The following ANXA4 variants were observed in gnomAD, a reference collection of about 807,000 sequenced individuals.
ANXA4 encodes annexin A4.
A neutral mutation model predicts 49.8 loss-of-function variants in ANXA4; 39 were observed. The ratio of observed to expected loss-of-function variants is 0.78; its 90% CI spans 0.61 to 1.02. The LOEUF (loss-of-function observed/expected upper bound fraction) is 1.02. ANXA4 is among the 50% of genes least tolerant of loss of function. The probability of loss-of-function intolerance (pLI) is 0.00; values close to 1 mark genes in which losing one functional copy is unlikely to be tolerated. For missense variants in ANXA4, 360 were observed against 410.1 expected, an observed-to-expected ratio of 0.88 and a Z score of 1.05; for synonymous variants, 134 against 152.5, an observed-to-expected ratio of 0.88 and a Z score of 0.89.
chr2:69,646,006 A>G (rs1364517737), intron 1 of ANXA4, among the ~76,000 whole-genome samples: 4 of 152,194 alleles, frequency 2.6e-5, no homozygotes, highest in East Asian at 1.9e-4. Context: ...TTACCTGGCT[A>G]TACTAAACTG....
chr2:69,674,419 C>T (rs1677320672), intron 2 of ANXA4: 2 of 152,162 alleles, frequency 1.3e-5, no homozygotes, highest in Admixed American at 6.5e-5. Context: ...TTCAGAAAGT[C>T]ATCTGCGCAA....
intron 1 of ANXA4, among the ~76,000 whole-genome samples, chr2:69,769,157 A>G (rs1029334391): frequency 6.6e-6 from 1 of 152,226 alleles, no homozygotes; most frequent in Non-Finnish European, 1.5e-5. Flanking sequence ...GCGTATTAGA[A>G]TATTCTTTGA....
chr2:69,702,065 G>T (rs1678345311), intron 2 of ANXA4, among the ~76,000 whole-genome samples: 1 of 152,054 alleles, frequency 6.6e-6, no homozygotes, highest in Non-Finnish European at 1.5e-5. Context: ...AGGCTGGAAT[G>T]CAGTGGCGCG....
chr2:69,715,565 C>A (rs1385850215), intron 2 of ANXA4, among the ~76,000 whole-genome samples: 2 of 152,212 alleles, frequency 1.3e-5, no homozygotes, highest in Admixed American at 1.3e-4. Context: ...TGCCATAGTA[C>A]CTACTATGTC....
chr2:69,684,513 T>C (rs1253347143), intron 2 of ANXA4, among the ~76,000 whole-genome samples: 1 of 148,968 alleles, frequency 6.7e-6, no homozygotes, highest in Non-Finnish European at 1.5e-5. Context: ...TGAGATCCCA[T>C]CTCTACAAAA....
At chr2:69,677,079 G>A (rs1176449540) in intron 2 of ANXA4, among the ~76,000 whole-genome samples, 1 of 151,982 alleles carries the variant, frequency 6.6e-6, no homozygotes, top group Non-Finnish European at 1.5e-5. Flanking sequence ...GCTTCCCAAA[G>A]TGTTGGGATT....
chr2:69,711,591 T>A (rs1235274452), intron 2 of ANXA4, among the ~76,000 whole-genome samples: 5 of 152,250 alleles, frequency 3.3e-5, no homozygotes, highest in Admixed American at 3.3e-4. Context: ...GTGGTGGTGG[T>A]TGTATGACTG....
intron 3 of ANXA4, among the ~76,000 whole-genome samples, chr2:69,724,965 C>T (rs1246880073): frequency 6.6e-6 from 1 of 152,232 alleles, no homozygotes; most frequent in East Asian, 1.9e-4. Flanking sequence ...AATACCTGCT[C>T]ATCCTGTCAA....
chr2:69,683,055 C>A (rs1677654121), intron 2 of ANXA4, among the ~76,000 whole-genome samples: 1 of 152,020 alleles, frequency 6.6e-6, no homozygotes, highest in Non-Finnish European at 1.5e-5. Flanking sequence ...TTTTTCTGGT[C>A]TTTTAATTAA....
intron 2 of ANXA4, among the ~76,000 whole-genome samples, chr2:69,716,380 G>C (rs1046160667): frequency 1.2e-4 from 19 of 152,158 alleles, no homozygotes; most frequent in African/African-American, 4.6e-4. Flanking sequence ...CAGGAAAAAA[G>C]GGATTCACCA....
chr2:69,825,336 CA>C (rs1010616606), intron 12 of ANXA4, 119 bp from the exon 13 acceptor site: 31 of 756,772 alleles, frequency 4.1e-5, no homozygotes, highest in Middle Eastern at 2.5e-4. Flanking sequence ...TAAAAAATAA[CA>C]AAAAAAATTT....
At chr2:69,803,773 A>G (rs6759494) in intron 3 of ANXA4, among the ~76,000 whole-genome samples, 40,243 of 151,990 alleles carry the variant, frequency 0.26, 5,804 homozygotes, top group Admixed American at 0.45. Flanking sequence ...AGATGATAAA[A>G]AGATAAAAAC....
At chr2:69,687,836 C>T (rs1677842917) in intron 2 of ANXA4, among the ~76,000 whole-genome samples, 2 of 152,212 alleles carry the variant, frequency 1.3e-5, no homozygotes, top group Admixed American at 6.5e-5. Context: ...CATCTATCCT[C>T]CCATCTACCT....
chr2:69,757,258 ATATATATATTTTTTT>A (rs1443501106), intron 1 of ANXA4, among the ~76,000 whole-genome samples: 16 of 42,872 alleles, frequency 3.7e-4, no homozygotes, highest in African/African-American at 2.1e-3. Context: ...ATATATATAT[ATATATATATTTTTTT>A]TTTTTTTTTT....
intron 2 of ANXA4, among the ~76,000 whole-genome samples, chr2:69,675,025 C>T (rs1321246141): frequency 4.0e-5 from 6 of 150,974 alleles, no homozygotes; most frequent in African/African-American, 1.5e-4. Context: ...CGGGTTCAAG[C>T]GATTCTCCTG....
intron 3 of ANXA4, among the ~76,000 whole-genome samples, chr2:69,733,289 C>T (rs1670152715): frequency 6.6e-6 from 1 of 152,164 alleles, no homozygotes. Flanking sequence ...TTAGATCTAA[C>T]ACCAGAAAAC....
At chr2:69,757,709 A>G (rs1483377935) in intron 1 of ANXA4, among the ~76,000 whole-genome samples, 3 of 151,944 alleles carry the variant, frequency 2.0e-5, no homozygotes, top group Non-Finnish European at 4.4e-5. Context: ...CTGTAATCCC[A>G]GCACTTTGGG....
At chr2:69,783,862 G>T (rs1672302583) in intron 2 of ANXA4, among the ~76,000 whole-genome samples, 1 of 152,178 alleles carries the variant, frequency 6.6e-6, no homozygotes, top group Non-Finnish European at 1.5e-5. Flanking sequence ...GAATCATAGA[G>T]TAGGTACTCT....
chr2:69,818,781 T>A (rs1376822452), intron 10 of ANXA4, 87 bp downstream of exon 10: 2 of 840,214 alleles, frequency 2.4e-6, no homozygotes, highest in Non-Finnish European at 3.8e-6. Flanking sequence ...TAGAATTATT[T>A]TTAGAGATAA....
Sources: gnomAD v4.1 joint callset for allele counts (sites outside exome capture counted in the v4.1 genomes callset) on GRCh38, gnomAD v4.1.1 for gene constraint, MANE v1.5 for transcripts, NCBI Gene and HGNC (gene_info 2026-07-23, HGNC 2026-07-21) for gene names.